The following FBXW11 variants were observed in gnomAD, a reference collection of about 807,000 sequenced individuals.
The protein encoded by FBXW11 is F-box and WD repeat domain containing 11.
FBXW11 carries 19 observed loss-of-function variants against 77.6 expected under a neutral mutation model. The ratio of observed to expected loss-of-function variants is 0.24; its 90% CI spans 0.17 to 0.36. The LOEUF is 0.36. FBXW11 is among the 10% of genes least tolerant of loss of function. FBXW11 has a pLI of 1.00. For missense variants in FBXW11, 334 were observed against 704.2 expected, an observed-to-expected ratio of 0.47 and a Z score of 5.95; for synonymous variants, 235 against 249.4, an observed-to-expected ratio of 0.94 and a Z score of 0.54.
chr5:171,986,343 G>A (rs1242330292), intron 1 of FBXW11, among the ~76,000 whole-genome samples: 2 of 151,594 alleles, frequency 1.3e-5, no homozygotes, highest in Non-Finnish European at 2.9e-5. Context: ...GGGAGGTGGA[G>A]GTTGCAGTGA....
intron 7 of FBXW11, among the ~76,000 whole-genome samples, chr5:171,880,988 C>T (rs1326402032): frequency 1.3e-5 from 2 of 152,212 alleles, no homozygotes; most frequent in Non-Finnish European, 2.9e-5. Flanking sequence ...TGAGCCACCG[C>T]GCCCAGCCAT....
intron 1 of FBXW11, among the ~76,000 whole-genome samples, chr5:172,000,640 G>T (rs1459383267): frequency 2.6e-5 from 4 of 152,208 alleles, no homozygotes; most frequent in Admixed American, 2.0e-4. Context: ...CCCTGTACTT[G>T]TGGGGAAAGT....
At chr5:171,980,840 C>T (rs1410068670) in intron 1 of FBXW11, among the ~76,000 whole-genome samples, 5 of 152,174 alleles carry the variant, frequency 3.3e-5, no homozygotes, top group Non-Finnish European at 7.4e-5. Context: ...TGATGACCCC[C>T]ATTACTGGCA....
intron 2 of FBXW11, among the ~76,000 whole-genome samples, chr5:171,941,727 A>T (rs1351591958): frequency 1.3e-5 from 2 of 151,792 alleles, no homozygotes; most frequent in Admixed American, 1.3e-4. Context: ...ATAAATAAAA[A>T]GCAATATTTC....
chr5:171,967,238 A>T (rs1412897965), intron 1 of FBXW11, among the ~76,000 whole-genome samples: 3 of 152,252 alleles, frequency 2.0e-5, no homozygotes, highest in African/African-American at 7.2e-5. Flanking sequence ...AATTTTATCA[A>T]GGAGACAAAA....
At chr5:171,916,863 A>T (rs989753892) in intron 2 of FBXW11, among the ~76,000 whole-genome samples, 2 of 152,076 alleles carry the variant, frequency 1.3e-5, no homozygotes, top group Admixed American at 1.3e-4. Flanking sequence ...TGCAGAGGAA[A>T]CATATGAGGG....
At chr5:171,920,434 A>AG (rs1554100697) in intron 2 of FBXW11, among the ~76,000 whole-genome samples, 10 of 148,000 alleles carry the variant, frequency 6.8e-5, no homozygotes, top group Non-Finnish European at 1.2e-4. Context: ...AAAAAAAAAA[A>AG]CCCTGAAGGG....
At chr5:171,988,820 G>A (rs549392040) in intron 1 of FBXW11, among the ~76,000 whole-genome samples, 20 of 151,830 alleles carry the variant, frequency 1.3e-4, no homozygotes, top group South Asian at 4.1e-4. Flanking sequence ...ACTCCAGCCC[G>A]GGCAACAGAG....
intron 7 of FBXW11, among the ~76,000 whole-genome samples, chr5:171,883,152 A>G (rs942486980): frequency 6.6e-6 from 1 of 152,236 alleles, no homozygotes; most frequent in Non-Finnish European, 1.5e-5. Context: ...TCCATCATAT[A>G]TATATCAGTC....
chr5:171,893,308 G>C (rs952696499), intron 6 of FBXW11, among the ~76,000 whole-genome samples: 1 of 149,882 alleles, frequency 6.7e-6, no homozygotes, highest in Admixed American at 6.7e-5. Flanking sequence ...GAGATGCCAG[G>C]AGAGGGGAAA....
chr5:171,977,662 T>C (rs1461335632), intron 1 of FBXW11: 1 of 450,834 alleles, frequency 2.2e-6, no homozygotes, highest in East Asian at 7.2e-5. Flanking sequence ...GGAGGCCTCA[T>C]AATCATGGCA....
At chr5:171,949,496 A>C (rs939986292) in intron 2 of FBXW11, among the ~76,000 whole-genome samples, 1 of 152,212 alleles carries the variant, frequency 6.6e-6, no homozygotes, top group African/African-American at 2.4e-5. Flanking sequence ...GCCACACAAA[A>C]AGTAAACATT....
At chr5:171,947,276 T>C (rs1026351752) in intron 2 of FBXW11, among the ~76,000 whole-genome samples, 5 of 152,248 alleles carry the variant, frequency 3.3e-5, no homozygotes, top group Admixed American at 2.0e-4. Flanking sequence ...TGAAGACTGA[T>C]TTTTAATTTA....
chr5:171,938,332 C>T (rs1031036217), intron 2 of FBXW11, among the ~76,000 whole-genome samples: 10 of 152,160 alleles, frequency 6.6e-5, no homozygotes, highest in Admixed American at 3.3e-4. Context: ...CAAATCACTG[C>T]GGTTACAGGC....
intron 1 of FBXW11, among the ~76,000 whole-genome samples, chr5:171,994,416 A>G (rs1328013868): frequency 1.3e-5 from 2 of 152,174 alleles, no homozygotes; most frequent in Non-Finnish European, 2.9e-5. Context: ...AGTGCTCCAA[A>G]ATCCAAAACG....
At chr5:171,949,139 C>G (rs1326959003) in intron 2 of FBXW11, among the ~76,000 whole-genome samples, 3 of 152,118 alleles carry the variant, frequency 2.0e-5, no homozygotes, top group Non-Finnish European at 4.4e-5. Flanking sequence ...CACTTTCAAA[C>G]TAGTACAACA....
chr5:171,985,860 T>C (rs1250566277), intron 1 of FBXW11, among the ~76,000 whole-genome samples: 2 of 152,078 alleles, frequency 1.3e-5, no homozygotes, highest in Non-Finnish European at 1.5e-5. Flanking sequence ...GGCAGGAAAA[T>C]AGCTTACGTC....
At chr5:171,889,748 C>A (rs1759189791) in intron 7 of FBXW11, among the ~76,000 whole-genome samples, 1 of 151,744 alleles carries the variant, frequency 6.6e-6, no homozygotes, top group South Asian at 2.1e-4. Context: ...AGTAGCTGGG[C>A]ATGGTGGCTC....
chr5:171,923,761 A>G (rs755275929), intron 2 of FBXW11, among the ~76,000 whole-genome samples: 2 of 151,914 alleles, frequency 1.3e-5, no homozygotes, highest in Non-Finnish European at 2.9e-5. Context: ...CGTCTCTGAA[A>G]TAGAGATGTT....
Sources: gnomAD v4.1 joint callset for allele counts (sites outside exome capture counted in the v4.1 genomes callset) on GRCh38, gnomAD v4.1.1 for gene constraint, MANE v1.5 for transcripts, NCBI Gene and HGNC (gene_info 2026-07-23, HGNC 2026-07-21) for gene names.